SERPINA12: variants seen among roughly 807,000 people sequenced by gnomAD.
SERPINA12 encodes the protein serpin A12.
A neutral mutation model predicts 25.9 loss-of-function variants in SERPINA12; 21 were observed. The ratio of observed to expected loss-of-function variants is 0.81; its 90% confidence interval spans 0.58 to 1.17. The LOEUF (loss-of-function observed/expected upper bound fraction) is 1.17. Ranked by LOEUF, SERPINA12 falls within the 50% of genes most tolerant of loss-of-function variation. SERPINA12 has a pLI of 0.00. For missense variants in SERPINA12, 562 were observed against 508.3 expected (o/e 1.11, Z -1.02); for synonymous variants, 220 against 196.0 (o/e 1.12, Z -1.02).
upstream of SERPINA12, chr14:94,510,030 C>T: frequency 2.0e-6 from 2 of 985,418 alleles, no homozygotes; most frequent in Middle Eastern, 5.2e-4. Flanking sequence ...CCATCCAACC[C>T]CACCCCACTC....
At chr14:94,512,789 G>C (rs1252412179), upstream of SERPINA12, among the ~76,000 whole-genome samples, 1 of 152,202 alleles carries the variant, frequency 6.6e-6, no homozygotes, top group East Asian at 1.9e-4. Flanking sequence ...AGGGTTATCT[G>C]TTCACATCTA....
chr14:94,493,952 G>T lies in SERPINA12; in HGVS notation c.905+2421C>A, dbSNP rs371498737. On this transcript the variant is annotated intron_variant, in intron 3 of 4. Coordinates refer to ENST00000677451, the MANE Select transcript of SERPINA12 (RefSeq NM_001382267.1). ...AGGGGCTGCAGAGGGCCTCAGTGAGGGGAATGTGAAGCCCCCAGTGTAGCA... is the reference window on the plus strand; with the variant it reads ...AGGGGCTGCAGAGGGCCTCAGTGAGTGGAATGTGAAGCCCCCAGTGTAGCA... 2.1e-4 allele frequency among the ~76,000 whole-genome samples: 32 copies of T among 152,320 alleles called. 1 individual carries two copies. The East Asian group carries it at 3.3e-3, about 16-fold the overall frequency.
At chr14:94,502,457 C>G (rs549859460) in intron 1 of SERPINA12, among the ~76,000 whole-genome samples, 1 of 152,156 alleles carries the variant, frequency 6.6e-6, no homozygotes, top group Non-Finnish European at 1.5e-5. Flanking sequence ...ACAGCAGACT[C>G]AACAATAATA....
At chr14:94,498,567 G>T (rs1052179437) in intron 1 of SERPINA12, 137 bp from the exon 2 acceptor site, 7 of 673,548 alleles carry the variant, frequency 1.0e-5, no homozygotes, top group Non-Finnish European at 1.7e-5. Flanking sequence ...CCCCTTTATA[G>T]CATTTAAACT....
intron 1 of SERPINA12, among the ~76,000 whole-genome samples, chr14:94,501,672 CCA>C (rs1900731804): frequency 2.3e-5 from 3 of 129,820 alleles, no homozygotes; most frequent in African/African-American, 8.9e-5. Context: ...CCCCGCCCCC[CCA>C]CCCCCGCCCC....
At chr14:94,495,169 T>C (rs2012710) in intron 3 of SERPINA12, among the ~76,000 whole-genome samples, 140,707 of 144,990 alleles carry the variant, frequency 0.97, 68,427 homozygotes, top group Non-Finnish European at 1. Context: ...CCCGGGTTCA[T>C]GCCATTCTCC....
chr14:94,491,630 C>T, intron 3 of SERPINA12, among the ~76,000 whole-genome samples: 1 of 151,826 alleles, frequency 6.6e-6, no homozygotes, highest in East Asian at 1.9e-4. Flanking sequence ...TTGCTGTAGG[C>T]TAAAGGAGTT....
upstream of SERPINA12, among the ~76,000 whole-genome samples, chr14:94,509,618 C>T (rs576086015): frequency 5.3e-5 from 8 of 152,296 alleles, no homozygotes; most frequent in East Asian, 1.9e-4. Flanking sequence ...GAGAGCAATG[C>T]GTCTGGGAGT....
chr14:94,500,198 T>TTTGTA (rs1440058372), intron 1 of SERPINA12, among the ~76,000 whole-genome samples: 1 of 151,982 alleles, frequency 6.6e-6, no homozygotes, highest in Non-Finnish European at 1.5e-5. Context: ...CTTCAAGGAG[T>TTTGTA]TTGTAGTATA....
upstream of SERPINA12, among the ~76,000 whole-genome samples, chr14:94,513,419 G>A (rs1449241647): frequency 2.0e-5 from 3 of 152,174 alleles, no homozygotes; most frequent in Non-Finnish European, 4.4e-5. Context: ...ACCTGAGAGC[G>A]GGAAAAGACT....
chr14:94,510,063 G>A, upstream of SERPINA12: 1 of 985,414 alleles, frequency 1.0e-6, no homozygotes, highest in South Asian at 4.7e-5. Flanking sequence ...ACGTCTCAGG[G>A]CCTGGGCCTG....
chr14:94,488,912 T>A (rs1900018503), intron 4 of SERPINA12, among the ~76,000 whole-genome samples: 1 of 152,132 alleles, frequency 6.6e-6, no homozygotes, highest in Non-Finnish European at 1.5e-5. Context: ...CTGGCCAACA[T>A]GGTGAAACCC....
intron 4 of SERPINA12, 63 bp from the exon 5 acceptor site, chr14:94,487,557 G>A: frequency 7.0e-7 from 1 of 1,435,058 alleles, no homozygotes; most frequent in East Asian, 2.3e-5. Flanking sequence ...GTGGGCCGGA[G>A]GCCCAGAGAG....
In SERPINA12 at chr14:94,487,410, T is replaced by G; in HGVS notation, c.1138A>C (p.Thr380Pro). 6.2e-7 allele frequency: 1 copy of G among 1,614,042 alleles called. No individual in the cohort carries two copies. The highest frequency in any genetic ancestry group is 8.5e-7 in the Non-Finnish European group (1 of 1,179,966). The change falls in exon 5 of 5, where the codon ACA (threonine) becomes CCA (proline). Residue 380 changes from threonine (T) to proline (P), a missense_variant. Physicochemically the swap from Thr to Pro is conservative, Grantham distance 38. Coordinates refer to ENST00000677451, the MANE Select transcript of SERPINA12 (RefSeq NM_001382267.1). ...GTGAQTLPME[T>P]PLVVKIDKPY... ...TTGTCTATCTTGACGACGAGTGGTG[T>G]CTCCATGGGCAGAGTCTGTGCTCCG...
chr14:94,493,715 T>A (rs2236242), intron 3 of SERPINA12, among the ~76,000 whole-genome samples: 47,113 of 152,150 alleles, frequency 0.31, 8,601 homozygotes, highest in Admixed American at 0.4. Context: ...TTCTGTGCGC[T>A]GTAAGTTATC....
chr14:94,502,121 A>T (rs1052137695), intron 1 of SERPINA12, among the ~76,000 whole-genome samples: 4 of 152,040 alleles, frequency 2.6e-5, no homozygotes, highest in Non-Finnish European at 5.9e-5. Flanking sequence ...CCAAGAAAAA[A>T]AAAAGAACAA....
intron 1 of SERPINA12, among the ~76,000 whole-genome samples, chr14:94,508,388 ATAGAAAATT>A (rs3065834): frequency 0.93 from 140,356 of 151,130 alleles, 65,073 homozygotes; most frequent in African/African-American, 0.98. Context: ...AAGGAGAGAA[ATAGAAAATT>A]TAGAAAATTT....
intron 2 of SERPINA12, 39 bp from the exon 3 acceptor site, chr14:94,496,682 G>A (rs756707737): frequency 6.3e-7 from 1 of 1,584,944 alleles, no homozygotes; most frequent in East Asian, 2.2e-5. Context: ...GTTATCCCAA[G>A]GGAAAAAAGG....
intron 1 of SERPINA12, among the ~76,000 whole-genome samples, chr14:94,499,073 C>T (rs1900597600): frequency 1.3e-5 from 2 of 152,176 alleles, no homozygotes; most frequent in Non-Finnish European, 2.9e-5. Context: ...TTATGAAAGC[C>T]AATAAATTTC....
Sources: allele counts gnomAD v4.1 joint callset (sites outside exome capture counted in the v4.1 genomes callset), GRCh38; gene constraint gnomAD v4.1.1; transcripts MANE v1.5; gene names NCBI Gene and HGNC (gene_info 2026-07-23, HGNC 2026-07-21).